VRK2: variants seen among roughly 807,000 people sequenced by gnomAD.
The protein encoded by VRK2 is serine/threonine-protein kinase VRK2.
VRK2 carries 60 observed loss-of-function variants against 57.6 expected under a neutral mutation model. The observed-to-expected ratio is 1.04, with a 90% confidence interval of 0.85 to 1.29. VRK2 has a LOEUF of 1.29. Among genes scored for constraint, VRK2 ranks in the 50% most tolerant of loss-of-function variants. The pLI is 0.00. For missense variants in VRK2, 705 were observed against 588.1 expected (o/e 1.20, Z -2.06); for synonymous variants, 231 against 199.2 (o/e 1.16, Z -1.35).
At chr2:58,017,372 G>C (rs1673617641) in intron 1 of VRK2, among the ~76,000 whole-genome samples, 1 of 152,144 alleles carries the variant, frequency 6.6e-6, no homozygotes, top group South Asian at 2.1e-4. Context: ...TTAAATTTTG[G>C]AGAGGAGGCT....
chr2:58,118,109 A>T (rs1676808194), intron 7 of VRK2, among the ~76,000 whole-genome samples: 2 of 152,130 alleles, frequency 1.3e-5, no homozygotes, highest in African/African-American at 2.4e-5. Flanking sequence ...CCCCCAGAAA[A>T]GTGGGACTTG....
chr2:58,134,143 AAG>A (rs1679621820), intron 9 of VRK2, among the ~76,000 whole-genome samples: 1 of 152,052 alleles, frequency 6.6e-6, no homozygotes, highest in Non-Finnish European at 1.5e-5. Context: ...TCCTCCCAAG[AAG>A]AGAGTCATAG....
chr2:57,965,075 C>A (rs1003993056), intron 1 of VRK2, among the ~76,000 whole-genome samples: 1 of 151,990 alleles, frequency 6.6e-6, no homozygotes, highest in African/African-American at 2.4e-5. Flanking sequence ...AACAGATGCA[C>A]CTAACATTAA....
chr2:58,112,279 G>C (rs1675682213), intron 7 of VRK2, among the ~76,000 whole-genome samples: 1 of 152,170 alleles, frequency 6.6e-6, no homozygotes, highest in Non-Finnish European at 1.5e-5. Flanking sequence ...GGATGTGTTT[G>C]TCTAGATTTA....
At chr2:58,081,554 A>G (rs1374327823) in intron 2 of VRK2, among the ~76,000 whole-genome samples, 1 of 151,708 alleles carries the variant, frequency 6.6e-6, no homozygotes, top group East Asian at 1.9e-4. Flanking sequence ...TTTTGGAGTT[A>G]TGAACCTCTG....
intron 1 of VRK2, among the ~76,000 whole-genome samples, chr2:57,969,907 G>A (rs1329078656): frequency 6.6e-6 from 1 of 151,802 alleles, no homozygotes; most frequent in African/African-American, 2.4e-5. Flanking sequence ...TTTCAGCTTC[G>A]CTATAAAAGA....
At chr2:58,112,775 C>T (rs1023425338) in intron 7 of VRK2, among the ~76,000 whole-genome samples, 1 of 152,092 alleles carries the variant, frequency 6.6e-6, no homozygotes, top group Admixed American at 6.5e-5. Flanking sequence ...CTACTGGCCT[C>T]GGACAAAGTT....
At chr2:58,103,462 A>G (rs1674305117) in intron 7 of VRK2, among the ~76,000 whole-genome samples, 1 of 151,680 alleles carries the variant, frequency 6.6e-6, no homozygotes, top group Non-Finnish European at 1.5e-5. Flanking sequence ...ACTTCTGTGA[A>G]CAACTATATG....
At chr2:58,084,173 A>G (rs765271886) in intron 3 of VRK2, 35 bp downstream of exon 3, 28 of 1,561,742 alleles carry the variant, frequency 1.8e-5, no homozygotes, top group South Asian at 1.1e-4. Flanking sequence ...TTTCACATAT[A>G]TTTGACTTTT....
chr2:58,070,078 T>C (rs1463022283), intron 2 of VRK2, among the ~76,000 whole-genome samples: 1 of 152,194 alleles, frequency 6.6e-6, no homozygotes, highest in Non-Finnish European at 1.5e-5. Flanking sequence ...ACTGTTGTTA[T>C]AGTTTTCTTT....
intron 1 of VRK2, among the ~76,000 whole-genome samples, chr2:57,995,204 A>G (rs936424305): frequency 1.3e-5 from 2 of 152,178 alleles, no homozygotes; most frequent in East Asian, 3.8e-4. Flanking sequence ...TAAATTTTGA[A>G]TGGCTCTTTC....
At chr2:58,106,613 C>T (rs1370713439) in intron 7 of VRK2, among the ~76,000 whole-genome samples, 1 of 151,834 alleles carries the variant, frequency 6.6e-6, no homozygotes, top group Non-Finnish European at 1.5e-5. Flanking sequence ...TTAAGTCTTT[C>T]ACTCTCAAAA....
intron 2 of VRK2, among the ~76,000 whole-genome samples, chr2:58,050,024 G>T (rs1025723010): frequency 6.6e-6 from 1 of 152,042 alleles, no homozygotes; most frequent in Non-Finnish European, 1.5e-5. Flanking sequence ...GTTTGAACTT[G>T]CTTGAAATTG....
In VRK2 at chr2:57,978,127, T is replaced by C. The variant is rs376881002; in HGVS notation, c.-438-47538T>C. ...TTTAAGAGTATTGTTTAATAATGTA[T>C]GTTACAAAAAAAGGACTTAATGGGT... On this transcript the variant is annotated intron_variant, in intron 1 of 15. Transcript: ENST00000417641. Among the ~76,000 whole-genome samples the C allele has an allele frequency of 3.6e-4, 55 of 151,240 alleles. 2 individuals carry two copies. The South Asian group carries it at 0.011, about 29-fold the overall frequency.
In VRK2 at chr2:58,117,367, G is replaced by A. The variant is rs559384880; in HGVS notation, c.544-5734G>A. 2.3e-3 allele frequency among the ~76,000 whole-genome samples: 352 copies of A among 152,240 alleles called. 2 individuals carry two copies. Among genetic ancestry groups the A allele is most frequent in the Non-Finnish European group, 2.7e-3 (186 of 68,024 alleles). On this transcript the variant is annotated intron_variant, in intron 7 of 12. Transcript: ENST00000340157. ...TAGTCACAGAAGGAAACTGTAAGCC[G>A]GACCAGGTGTGAGGAGGGGAGGCGA...
chr2:58,026,528 T>C (rs1200843455), intron 2 of VRK2, among the ~76,000 whole-genome samples: 1 of 152,178 alleles, frequency 6.6e-6, no homozygotes, highest in Non-Finnish European at 1.5e-5. Context: ...AGATGAAGCG[T>C]GTCAGTATTG....
chr2:57,982,615 G>A (rs1172312454), intron 1 of VRK2, among the ~76,000 whole-genome samples: 1 of 152,168 alleles, frequency 6.6e-6, no homozygotes, highest in Non-Finnish European at 1.5e-5. Flanking sequence ...AGAGCTACAG[G>A]AGTGGCCAGT....
rs763657380 is a variant in VRK2 at position 58,048,866 on chromosome 2, C to T, written c.35C>T (p.Pro12Leu). 1.9e-6 allele frequency: 3 copies of T among 1,613,910 alleles called. No individual in the cohort carries two copies. The highest frequency in any genetic ancestry group is 2.2e-5 in the South Asian group (2 of 91,072). The change falls in exon 2 of 13, where the codon CCT becomes CTT. Residue 12 changes from proline (P) to leucine (L), a missense_variant. Pro to Leu is a moderately conservative substitution (Grantham distance 98). Coordinates refer to ENST00000340157, the MANE Select transcript of VRK2 (RefSeq NM_006296.7). ...PPKRNEKYKLPIPFPEGKVLD... is the reference protein window; with the variant it reads ...PPKRNEKYKLLIPFPEGKVLD... Reference sequence around the variant, plus strand: ...AAAAGAAATGAAAAATACAAACTTCCTATTCCATTTCCAGAAGGCAAGGTT... The same window carrying T: ...AAAAGAAATGAAAAATACAAACTTCTTATTCCATTTCCAGAAGGCAAGGTT...
At chr2:57,979,180 C>G (rs1277477771) in intron 1 of VRK2, among the ~76,000 whole-genome samples, 1 of 151,062 alleles carries the variant, frequency 6.6e-6, no homozygotes, top group Non-Finnish European at 1.5e-5. Context: ...GGTATATACC[C>G]AGTAATGGGA....
Sources: allele counts gnomAD v4.1 joint callset (sites outside exome capture counted in the v4.1 genomes callset), GRCh38; gene constraint gnomAD v4.1.1; transcripts MANE v1.5; gene names NCBI Gene and HGNC (gene_info 2026-07-23, HGNC 2026-07-21).